Variants in IL18R1 observed in about 807,000 individuals in gnomAD.
IL18R1 encodes interleukin 18 receptor 1, also known as interleukin-18 receptor 1.
Under a neutral mutation model 48.5 loss-of-function variants are expected in IL18R1, and 40 were observed. The observed-to-expected ratio is 0.82, with a 90% confidence interval of 0.64 to 1.07. IL18R1 has a LOEUF of 1.07. IL18R1 is among the 50% of genes least tolerant of loss of function. The pLI is 0.00. For missense variants in IL18R1, 596 were observed against 633.7 expected (o/e 0.94, Z 0.64); for synonymous variants, 232 against 225.9 (o/e 1.03, Z -0.24).
intron 2 of IL18R1, among the ~76,000 whole-genome samples, chr2:102,367,349 G>T (rs1678966032): frequency 6.6e-6 from 1 of 152,130 alleles, no homozygotes; most frequent in South Asian, 2.1e-4. Flanking sequence ...GATAGGCAGG[G>T]TGAATGCAAG....
rs566560702 is a variant in IL18R1, at chr2:102,396,904, C to G, written c.*18C>G. On this transcript the variant is annotated 3_prime_UTR_variant, in exon 11 of 11. Coordinates refer to ENST00000233957, the MANE Select transcript of IL18R1 (RefSeq NM_003855.5). ...AGTCTTAATCTTCAGAAACAGTGAACGCCAAAAAGAACTCAAGATATTCTG... is the reference window on the plus strand; with the variant it reads ...AGTCTTAATCTTCAGAAACAGTGAAGGCCAAAAAGAACTCAAGATATTCTG... The G allele has an allele frequency of 6.8e-7, 1 of 1,469,482 alleles. No individual in the cohort carries two copies. The highest frequency in any genetic ancestry group is 1.4e-5 in the African/African-American group (1 of 70,698). The allele number at this position is 1,469,482 out of a possible 1,614,324, so 91.0% of individuals were successfully genotyped here. A position where few individuals can be genotyped will look rare whatever the true frequency, so the allele number is the denominator to read the frequency against.
chr2:102,375,919 C>A lies in IL18R1; in HGVS notation c.481C>A (p.Leu161Ile). ...STSLYKNCKK[L>I]LLENNKNPTI... is the part of the protein sequence containing the mutation. ...TTATTAAAAACAGAACTGTAAAAAG[C>A]TACTACTGGAGAACAATAAAAACCC... The change falls in exon 5 of 11, where the codon CTA becomes ATA. Residue 161 changes from leucine to isoleucine, a missense_variant. Leu to Ile is a conservative substitution (Grantham distance 5, BLOSUM62 2). This residue lies in a region of IL18R1 where 360 missense variants were observed against 339.4 expected (regional missense o/e 1.06). Coordinates refer to ENST00000233957, the MANE Select transcript of IL18R1 (RefSeq NM_003855.5). 6.3e-7 allele frequency: 1 copy of A among 1,578,072 alleles called. No homozygotes were observed. Among genetic ancestry groups the A allele is most frequent in the Non-Finnish European group, 8.6e-7 (1 of 1,167,770 alleles).
intron 3 of IL18R1, 124 bp downstream of exon 3, chr2:102,368,192 A>C: frequency 9.7e-7 from 1 of 1,031,366 alleles, no homozygotes; most frequent in Non-Finnish European, 1.5e-6. Context: ...TACTCTTCCT[A>C]TGACATGAAA....
chr2:102,387,413 G>A (rs1479516045), intron 8 of IL18R1, among the ~76,000 whole-genome samples: 1 of 152,184 alleles, frequency 6.6e-6, no homozygotes, highest in African/African-American at 2.4e-5. Context: ...CCTCAGCAGG[G>A]TACCAGGCTC....
intron 8 of IL18R1, among the ~76,000 whole-genome samples, chr2:102,389,265 G>A (rs1425931450): frequency 6.6e-6 from 1 of 151,994 alleles, no homozygotes. Context: ...TAACTAAAAA[G>A]TTTAAGAGAC....
intron 1 of IL18R1, among the ~76,000 whole-genome samples, chr2:102,356,740 G>T (rs949602797): frequency 6.6e-6 from 1 of 152,124 alleles, no homozygotes; most frequent in African/African-American, 2.4e-5. Context: ...AGGGCCACAT[G>T]AAATAGGAAC....
chr2:102,384,839 G>A (rs1280697233), intron 6 of IL18R1, 39 bp from the exon 7 acceptor site: 1 of 1,601,748 alleles, frequency 6.2e-7, no homozygotes, highest in Non-Finnish European at 8.5e-7. Flanking sequence ...AGAAACCTGA[G>A]TTTCAAAAAT....
At chr2:102,377,560 C>T (rs1170059008) in intron 5 of IL18R1, among the ~76,000 whole-genome samples, 1 of 151,806 alleles carries the variant, frequency 6.6e-6, no homozygotes, top group African/African-American at 2.4e-5. Context: ...TCGTGATCCC[C>T]CTGCCTTGGT....
At chr2:102,385,276 G>A (rs1458646226) in intron 7 of IL18R1, among the ~76,000 whole-genome samples, 1 of 152,182 alleles carries the variant, frequency 6.6e-6, no homozygotes, top group Non-Finnish European at 1.5e-5. Context: ...GGTCAGTCAG[G>A]ATCCGATGGG....
At position 102,387,513 on chromosome 2, in the gene IL18R1, T is replaced by G. The variant is rs114696516; in HGVS notation, c.949+513T>G. ...CCTGATCTGTGGGCTCTTAAAGTTT[T>G]TCAGTGCTCACCTGATGGAGGGCCC... On this transcript the variant is annotated intron_variant, in intron 8 of 10. Transcript: ENST00000233957. 6.5e-3 allele frequency among the ~76,000 whole-genome samples: 989 copies of G among 152,322 alleles called. 45 individuals are homozygous for G. Among genetic ancestry groups the G allele is most frequent in the Non-Finnish European group, 1.9e-3 (129 of 68,018 alleles).
chr2:102,364,979 G>A (rs1160838123), intron 2 of IL18R1, among the ~76,000 whole-genome samples: 2 of 152,120 alleles, frequency 1.3e-5, no homozygotes, highest in Non-Finnish European at 2.9e-5. Flanking sequence ...TCCCTCCTAT[G>A]ACACATGGGG....
chr2:102,370,419 G>A (rs963947988), intron 3 of IL18R1, among the ~76,000 whole-genome samples: 5 of 152,080 alleles, frequency 3.3e-5, no homozygotes, highest in African/African-American at 9.7e-5. Context: ...GAGACATTAC[G>A]AAAACACACT....
intron 1 of IL18R1, 41 bp downstream of exon 1, chr2:102,356,441 C>T (rs1678256270): frequency 2.1e-6 from 1 of 480,586 alleles, no homozygotes; most frequent in African/African-American, 2.1e-5. Context: ...CCCTCCCCAC[C>T]CCCCAGAGGA....
intron 10 of IL18R1, 54 bp from the exon 11 acceptor site, chr2:102,396,477 C>T (rs1333050163): frequency 3.8e-6 from 4 of 1,066,482 alleles, no homozygotes; most frequent in East Asian, 2.4e-5. Flanking sequence ...ACTTTTATCT[C>T]ATGTTCCCCC....
chr2:102,384,301 G>A (rs1056718052), intron 6 of IL18R1, among the ~76,000 whole-genome samples: 2 of 152,150 alleles, frequency 1.3e-5, no homozygotes, highest in Non-Finnish European at 2.9e-5. Flanking sequence ...TACGCTGTCC[G>A]AGCGCTTAGC....
At chr2:102,364,024 G>A (rs1678741492) in intron 2 of IL18R1, among the ~76,000 whole-genome samples, 1 of 152,150 alleles carries the variant, frequency 6.6e-6, no homozygotes, top group South Asian at 2.1e-4. Flanking sequence ...AGCCTCTAAT[G>A]GTAAACCATG....
intron 8 of IL18R1, among the ~76,000 whole-genome samples, chr2:102,388,709 C>T (rs985556666): frequency 2.0e-5 from 3 of 152,178 alleles, no homozygotes; most frequent in Non-Finnish European, 2.9e-5. Context: ...CCAATGTGTG[C>T]GTGCGTGTTT....
At chr2:102,394,704 C>A in intron 10 of IL18R1, 77 bp downstream of exon 10, 1 of 1,285,356 alleles carries the variant, frequency 7.8e-7, no homozygotes, top group Non-Finnish European at 1.1e-6. Flanking sequence ...CCCCAGAGAG[C>A]TATCCCATTT....
intron 6 of IL18R1, among the ~76,000 whole-genome samples, chr2:102,382,605 T>A (rs187470890): frequency 1.3e-3 from 199 of 152,350 alleles, no homozygotes; most frequent in African/African-American, 4.5e-3. Flanking sequence ...TCTCATTTTA[T>A]GAATTAAATA....
Sources: gnomAD v4.1 joint callset for allele counts (sites outside exome capture counted in the v4.1 genomes callset) on GRCh38, gnomAD v4.1.1 for gene constraint, gnomAD v4.1.1 regional missense constraint, MANE v1.5 for transcripts, NCBI Gene and HGNC (gene_info 2026-07-23, HGNC 2026-07-21) for gene names.